PRR13: variants seen among roughly 807,000 people sequenced by gnomAD.
The protein encoded by PRR13 is proline-rich protein 13.
PRR13 carries 7 observed loss-of-function variants against 11.5 expected under a neutral mutation model. The observed-to-expected ratio is 0.61, with a 90% CI of 0.34 to 1.14. The LOEUF is 1.14. PRR13 is among the 50% of genes most tolerant of loss of function. PRR13 has a pLI of 0.03. For synonymous variants in PRR13, 53 were observed against 67.8 expected (o/e 0.78, Z 1.07); for missense variants, 155 against 194.4 (o/e 0.80, Z 1.21).
chr12:53,442,662 GTC>G, intron 1 of PRR13, 31 bp from the exon 2 acceptor site: 1 of 1,563,672 alleles, frequency 6.4e-7, no homozygotes, highest in Non-Finnish European at 8.8e-7. Flanking sequence ...CCTCTAGACC[GTC>G]ATCTTTTTTG....
At chr12:53,443,211 C>T in intron 2 of PRR13, 180 bp from the exon 3 acceptor site, 1 of 607,058 alleles carries the variant, frequency 1.6e-6, no homozygotes, top group Non-Finnish European at 2.7e-6. Context: ...CTCCCTAGCC[C>T]TTCCAGGGAC....
intron 2 of PRR13, 177 bp from the exon 3 acceptor site, chr12:53,443,214 C>G (rs538639858): frequency 6.5e-6 from 4 of 618,232 alleles, no homozygotes; most frequent in Non-Finnish European, 1.0e-5. Context: ...CCTAGCCCTT[C>G]CAGGGACATT....
intron 1 of PRR13, 72 bp downstream of exon 1, chr12:53,441,864 G>C (rs1437147298): frequency 5.7e-6 from 4 of 700,176 alleles, no homozygotes; most frequent in Non-Finnish European, 1.0e-5. Flanking sequence ...TCGCAGCTTG[G>C]GGCTAGGATC....
intron 3 of PRR13, 85 bp downstream of exon 3, chr12:53,443,858 A>G: frequency 6.9e-7 from 1 of 1,445,020 alleles, no homozygotes; most frequent in South Asian, 1.3e-5. Context: ...GGGGATTCAC[A>G]TTCTGTGGAC....
chr12:53,445,593 T>G (rs1940387076), intron 3 of PRR13, among the ~76,000 whole-genome samples: 1 of 151,598 alleles, frequency 6.6e-6, no homozygotes, highest in Non-Finnish European at 1.5e-5. Flanking sequence ...TCTACTGTCT[T>G]TTCTTAGATT....
intron 1 of PRR13, 88 bp downstream of exon 1, chr12:53,441,880 T>C (rs1347510033): frequency 1.4e-6 from 1 of 695,730 alleles, no homozygotes; most frequent in Non-Finnish European, 2.6e-6. Context: ...GGATCTTCAT[T>C]TGCCTTTTTT....
intron 1 of PRR13, 68 bp from the exon 2 acceptor site, chr12:53,442,627 G>A (rs1193365020): frequency 9.4e-6 from 13 of 1,385,996 alleles, no homozygotes. Flanking sequence ...TTAGGGCTGG[G>A]CTCCGGTGCT....
chr12:53,444,111 A>G (rs909128266), intron 3 of PRR13: 8 of 422,044 alleles, frequency 1.9e-5, no homozygotes, highest in South Asian at 7.7e-5. Context: ...GCCCACTGAC[A>G]TTGTCAAAAT....
At chr12:53,442,630 C>CCGGTGCTAAGTCCACTTCCTA (rs1461035417) in intron 1 of PRR13, 65 bp from the exon 2 acceptor site, 1 of 1,417,738 alleles carries the variant, frequency 7.1e-7, no homozygotes, top group Non-Finnish European at 1.0e-6. Flanking sequence ...GGGCTGGGCT[C>CCGGTGCTAAGTCCACTTCCTA]CGGTGCTAAG....
chr12:53,444,025 C>G (rs1342294777), intron 3 of PRR13: 1 of 529,988 alleles, frequency 1.9e-6, no homozygotes, highest in African/African-American at 1.9e-5. Context: ...GAATCAAAAG[C>G]CAAATCTTTT....
In PRR13 at chr12:53,442,721, A is replaced by G. The variant is rs1940317925; in HGVS notation, c.7A>G (p.Asn3Asp). The G allele has an allele frequency of 1.2e-6, 2 of 1,610,860 alleles. No individual in the cohort carries two copies. The highest frequency in any genetic ancestry group is 1.7e-6 in the Non-Finnish European group (2 of 1,177,224). ...CTGGAGGACACACCTAAACATGTGG[A>G]ATCCCAATGCCGGTAGGTGTTTGGG... MW[N>D]PNAGQPGPNP... The change falls in exon 2 of 4, where the codon AAT becomes GAT. Residue 3 changes from asparagine (N) to aspartate (D), a missense_variant. Physicochemically the swap from Asn to Asp is conservative, Grantham distance 23. Transcript: ENST00000429243.
At chr12:53,441,831 C>G in intron 1 of PRR13, 39 bp downstream of exon 1, 1 of 702,160 alleles carries the variant, frequency 1.4e-6, no homozygotes, top group East Asian at 2.7e-5. Flanking sequence ...TTTCCTTTTC[C>G]CCTTGCTAGG....
rs201409033 is a variant in PRR13, at chr12:53,442,707, A to G, written c.-8A>G. The G allele has an allele frequency of 1.2e-6, 2 of 1,610,180 alleles. No homozygotes were observed. The highest frequency in any genetic ancestry group is 1.3e-5 in the African/African-American group (1 of 74,708). ...TCTTTCTCCTCAGGCTGGAGGACAC[A>G]CCTAAACATGTGGAATCCCAATGCC... On this transcript the variant is annotated 5_prime_UTR_variant, in exon 2 of 4. Transcript: ENST00000429243.
intron 2 of PRR13, 156 bp downstream of exon 2, chr12:53,442,889 ATTTAT>A: frequency 3.4e-6 from 2 of 589,006 alleles, no homozygotes; most frequent in Middle Eastern, 4.4e-4. Context: ...ATTTAATTTA[ATTTAT>A]TTATTTTTTG....
chr12:53,443,795 G>T, intron 3 of PRR13, 22 bp downstream of exon 3: 1 of 1,576,248 alleles, frequency 6.3e-7, no homozygotes, highest in Non-Finnish European at 8.6e-7. Flanking sequence ...CTGGAGACTG[G>T]CTAGGGAAGG....
rs751780060 is a variant in PRR13, at chr12:53,443,856, A to G, written c.402+83A>G. 37 of 1,455,880 alleles carry G rather than the reference A, an allele frequency of 2.5e-5. No homozygotes were observed. In the Middle Eastern group the frequency reaches 8.9e-4, roughly 35 times the overall value. 90.2% of individuals were successfully genotyped at this position (1,455,880 alleles called of 1,614,324 possible). A position where few individuals can be genotyped will look rare whatever the true frequency, so the allele number is the denominator to read the frequency against. On this transcript the variant is annotated intron_variant, in intron 3 of 3. Coordinates refer to ENST00000429243, the MANE Select transcript of PRR13 (RefSeq NM_018457.4). ...GGCAGGGGTTGGGTGAGGGGGATTC[A>G]CATTCTGTGGACGTGAGGGATGACA...
chr12:53,445,410 G>A (rs553565007), intron 3 of PRR13, among the ~76,000 whole-genome samples: 90 of 151,782 alleles, frequency 5.9e-4, no homozygotes, highest in African/African-American at 2.0e-3. Context: ...GGGGAAAAGC[G>A]GGAGAAATTA....
chr12:53,442,129 A>T, intron 1 of PRR13: 2 of 401,420 alleles, frequency 5.0e-6, no homozygotes, highest in South Asian at 8.2e-5. Flanking sequence ...GGTACTGCCT[A>T]CTTCCGAAGA....
Position 53,446,067 on chromosome 12 carries a change from C to T in PRR13, c.*8C>T, listed in dbSNP as rs1039568843. 6.2e-7 allele frequency: 1 copy of T among 1,613,394 alleles called. No individual in the cohort carries two copies. The highest frequency in any genetic ancestry group is 8.5e-7 in the Non-Finnish European group (1 of 1,180,054). ...AGCAGTGATTCTGACTGAATACAGGCCCTGGACCCTTCCCTCAAGTCTCAC... is the reference window on the plus strand; with the variant it reads ...AGCAGTGATTCTGACTGAATACAGGTCCTGGACCCTTCCCTCAAGTCTCAC... On this transcript the variant is annotated 3_prime_UTR_variant, in exon 4 of 4. Transcript: ENST00000429243.
Sources: gnomAD v4.1 joint callset for allele counts (sites outside exome capture counted in the v4.1 genomes callset) on GRCh38, gnomAD v4.1.1 for gene constraint, MANE v1.5 for transcripts, NCBI Gene and HGNC (gene_info 2026-07-23, HGNC 2026-07-21) for gene names.